COL26A1: variants seen among roughly 807,000 people sequenced by gnomAD.
COL26A1 encodes the protein collagen type XXVI alpha 1 chain, also known as collagen alpha-1(XXVI) chain.
In COL26A1, 41 loss-of-function variants were observed where a neutral mutation model predicts 59.3. That is an observed-to-expected ratio of 0.69 (90% CI 0.54 to 0.90). The LOEUF is 0.90. COL26A1 is among the 40% of genes least tolerant of loss of function. COL26A1 has a pLI of 0.00. For synonymous variants in COL26A1, 266 were observed against 256.0 expected (o/e 1.04, Z -0.37); for missense variants, 612 against 602.3 (o/e 1.02, Z -0.17).
intron 2 of COL26A1, among the ~76,000 whole-genome samples, chr7:101,437,094 C>T (rs1443669481): frequency 6.6e-6 from 1 of 152,186 alleles, no homozygotes; most frequent in Admixed American, 6.5e-5. Flanking sequence ...GTGCCTCGCT[C>T]TAAGCTAGGC....
chr7:101,409,492 T>G (rs948593310), intron 1 of COL26A1, among the ~76,000 whole-genome samples: 1 of 152,184 alleles, frequency 6.6e-6, no homozygotes, highest in African/African-American at 2.4e-5. Context: ...AGAATGTACA[T>G]GTATTCATTT....
At chr7:101,447,901 C>T in intron 3 of COL26A1, 114 bp downstream of exon 3, 1 of 697,336 alleles carries the variant, frequency 1.4e-6, no homozygotes, top group Non-Finnish European at 2.5e-6. Flanking sequence ...GCTTGAAATC[C>T]TTTCCTTTTC....
At chr7:101,488,396 T>C (rs1794315664) in intron 3 of COL26A1, among the ~76,000 whole-genome samples, 2 of 145,600 alleles carry the variant, frequency 1.4e-5, no homozygotes, top group Middle Eastern at 3.6e-3. Context: ...ATTTTTTTTT[T>C]CCAGAGTCTA....
chr7:101,462,914 G>T (rs368900916), intron 3 of COL26A1, among the ~76,000 whole-genome samples: 10 of 152,272 alleles, frequency 6.6e-5, no homozygotes, highest in African/African-American at 2.4e-4. Context: ...GCAGAGTGAT[G>T]GGGCCGGGAC....
rs540844127 is a variant in COL26A1, at chr7:101,433,075, C to A, written c.281+12976C>A. Among the ~76,000 whole-genome samples, 120 of 152,240 alleles carry A rather than the reference C, an allele frequency of 7.9e-4. 2 individuals carry two copies. The highest frequency in any genetic ancestry group is 2.7e-3 in the African/African-American group (113 of 41,554). On this transcript the variant is annotated intron_variant, in intron 2 of 12. Coordinates refer to ENST00000313669, the MANE Select transcript of COL26A1 (RefSeq NM_001278563.3). ...TGGTGGCTCACTCCTGTAATCCCAA[C>A]ACTTCGGGAGGCTGAGATGGGTGGA... is the stretch of plus-strand genomic sequence containing the variant.
At chr7:101,461,543 C>A (rs892847340) in intron 3 of COL26A1, among the ~76,000 whole-genome samples, 3 of 151,750 alleles carry the variant, frequency 2.0e-5, no homozygotes, top group East Asian at 1.9e-4. Flanking sequence ...GGTGATCCAC[C>A]TGCCTCGACC....
At chr7:101,469,046 T>C (rs549659892) in intron 3 of COL26A1, among the ~76,000 whole-genome samples, 2 of 152,310 alleles carry the variant, frequency 1.3e-5, no homozygotes, top group African/African-American at 2.4e-5. Flanking sequence ...TGATCTTCTA[T>C]GATCTGGCAG....
intron 3 of COL26A1, among the ~76,000 whole-genome samples, chr7:101,489,792 T>C (rs990412671): frequency 0.037 from 76 of 2,042 alleles, 7 homozygotes; most frequent in East Asian, 0.073. Context: ...CTTTCTTTCT[T>C]TCTTTCTTTC....
intron 3 of COL26A1, among the ~76,000 whole-genome samples, chr7:101,471,567 G>GTTGTTTTTTTTTT (rs1485332913): frequency 6.2e-5 from 7 of 112,412 alleles, no homozygotes; most frequent in African/African-American, 2.5e-4. Context: ...TGTTGTTGTT[G>GTTGTTTTTTTTTT]TTTGTTTTTT....
At chr7:101,400,353 ATTTTTTTTTTTTTTTT>A (rs574852983) in intron 1 of COL26A1, among the ~76,000 whole-genome samples, 1 of 97,256 alleles carries the variant, frequency 1.0e-5, no homozygotes, top group African/African-American at 4.5e-5. Flanking sequence ...TTTTTTTCCT[ATTTTTTTTTTTTTTTT>A]TTTTTTTTTT....
chr7:101,547,833 A>G (rs62465108), intron 8 of COL26A1, among the ~76,000 whole-genome samples: 56 of 61,894 alleles, frequency 9.0e-4, no homozygotes, highest in East Asian at 1.1e-3. Flanking sequence ...TCATTCGTTT[A>G]TTCATTCATT....
intron 9 of COL26A1, among the ~76,000 whole-genome samples, chr7:101,550,859 G>A (rs922175179): frequency 3.9e-5 from 6 of 152,216 alleles, no homozygotes; most frequent in African/African-American, 1.2e-4. Flanking sequence ...ACAGCCGTAC[G>A]TGGCATTGGC....
intron 1 of COL26A1, among the ~76,000 whole-genome samples, chr7:101,378,235 C>T (rs144535936): frequency 0.017 from 2,525 of 152,078 alleles, 62 homozygotes; most frequent in African/African-American, 0.056. Context: ...CAAAAATTAG[C>T]TGGGTGTGGT....
chr7:101,467,567 CAAAGA>C (rs967705777), intron 3 of COL26A1, among the ~76,000 whole-genome samples: 1 of 151,600 alleles, frequency 6.6e-6, no homozygotes, highest in Non-Finnish European at 1.5e-5. Flanking sequence ...ACATGGTTGA[CAAAGA>C]AAAGGGAAGA....
At chr7:101,441,499 G>C (rs569653502) in intron 2 of COL26A1, among the ~76,000 whole-genome samples, 1 of 152,148 alleles carries the variant, frequency 6.6e-6, no homozygotes, top group Non-Finnish European at 1.5e-5. Context: ...TGTGTTTTTA[G>C]TAGAGATGGG....
In COL26A1 at chr7:101,533,464, A is replaced by G. The variant is rs556598051; in HGVS notation, c.447+321A>G. Among the ~76,000 whole-genome samples, 240 of 152,136 alleles carry G rather than the reference A, an allele frequency of 1.6e-3. 3 individuals are homozygous for G. The highest frequency in any genetic ancestry group is 2.9e-4 in the Non-Finnish European group (20 of 67,968). On this transcript the variant is annotated intron_variant, in intron 4 of 12. Transcript: ENST00000313669. ...AGGGAGTCTCTGTCCCTCCAGGGCC[A>G]CTGTTCCCACCTCCAGAATGGGGCT...
At chr7:101,498,762 T>C (rs1019417499) in intron 3 of COL26A1, among the ~76,000 whole-genome samples, 1 of 152,178 alleles carries the variant, frequency 6.6e-6, no homozygotes, top group Non-Finnish European at 1.5e-5. Context: ...TTGGTGAAAT[T>C]CAACAGGATG....
intron 3 of COL26A1, among the ~76,000 whole-genome samples, chr7:101,502,956 G>A (rs918524860): frequency 4.6e-5 from 7 of 152,274 alleles, no homozygotes; most frequent in Admixed American, 1.3e-4. Flanking sequence ...GGGCCCATCT[G>A]CTGCCTCCTC....
intron 1 of COL26A1, among the ~76,000 whole-genome samples, chr7:101,412,274 A>G (rs193266417): frequency 6.6e-6 from 1 of 152,132 alleles, no homozygotes; most frequent in Non-Finnish European, 1.5e-5. Flanking sequence ...ACCCCTTTCC[A>G]TGACAACGAC....
Sources: allele counts gnomAD v4.1 joint callset (sites outside exome capture counted in the v4.1 genomes callset), GRCh38; gene constraint gnomAD v4.1.1; transcripts MANE v1.5; gene names NCBI Gene and HGNC (gene_info 2026-07-23, HGNC 2026-07-21).